STAU2: variants seen among roughly 807,000 people sequenced by gnomAD.
STAU2 encodes double-stranded RNA-binding protein Staufen homolog 2.
Under a neutral mutation model 65.9 loss-of-function variants are expected in STAU2, and 20 were observed. The observed-to-expected ratio is 0.30, with a 90% CI of 0.21 to 0.44. STAU2 has a LOEUF of 0.44. Ranked by LOEUF, STAU2 falls within the 20% of genes least tolerant of loss-of-function variation. The pLI is 1.00. For synonymous variants in STAU2, 232 were observed against 233.9 expected, an observed-to-expected ratio of 0.99 and a Z score of 0.07; for missense variants, 558 against 683.9, an observed-to-expected ratio of 0.82 and a Z score of 2.05.
intron 13 of STAU2, among the ~76,000 whole-genome samples, chr8:73,448,923 G>A (rs1255272736): frequency 6.6e-6 from 1 of 152,270 alleles, no homozygotes; most frequent in Non-Finnish European, 1.5e-5. Context: ...CCACGTGCGC[G>A]CGGACAGCGG....
rs193275303 is a variant in STAU2, at chr8:73,572,648, C to T, written c.1222+10122G>A. On this transcript the variant is annotated intron_variant, in intron 12 of 14. Coordinates refer to ENST00000524300, the MANE Select transcript of STAU2 (RefSeq NM_001164380.2). ...ATATAAAGAGAACCAAAGACGAAAA[C>T]CACGATTATCTCAATAGATGCAGAA... 6.6e-5 allele frequency among the ~76,000 whole-genome samples: 10 copies of T among 152,176 alleles called. No homozygotes were observed. In the East Asian group the frequency reaches 1.9e-3, roughly 29 times the overall value.
chr8:73,715,232 T>A (rs1205356374), intron 3 of STAU2, among the ~76,000 whole-genome samples: 4 of 151,668 alleles, frequency 2.6e-5, no homozygotes, highest in Admixed American at 2.6e-4. Context: ...TTCAAAAGAA[T>A]GTTAAAGAGC....
intron 3 of STAU2, among the ~76,000 whole-genome samples, chr8:73,719,731 A>T (rs1019721151): frequency 3.9e-5 from 6 of 152,210 alleles, no homozygotes; most frequent in Non-Finnish European, 7.3e-5. Context: ...AACTTTGTTT[A>T]GATTTTTGCA....
intron 12 of STAU2, among the ~76,000 whole-genome samples, chr8:73,576,325 T>C (rs1809548952): frequency 6.6e-6 from 1 of 152,072 alleles, no homozygotes; most frequent in South Asian, 2.1e-4. Flanking sequence ...CAAAATAATC[T>C]TAAATTGCAA....
intron 12 of STAU2, among the ~76,000 whole-genome samples, chr8:73,568,906 G>A (rs535144149): frequency 6.6e-6 from 1 of 152,292 alleles, no homozygotes; most frequent in African/African-American, 2.4e-5. Flanking sequence ...CTCCCAGTGT[G>A]AGCGATGCAG....
intron 4 of STAU2, among the ~76,000 whole-genome samples, chr8:73,690,028 G>C (rs890232637): frequency 1.3e-5 from 2 of 151,344 alleles, no homozygotes; most frequent in Non-Finnish European, 3.0e-5. Flanking sequence ...ATGCAGGGAG[G>C]ACACTAAAGA....
At chr8:73,709,957 T>C (rs904448081) in intron 3 of STAU2, among the ~76,000 whole-genome samples, 2 of 152,198 alleles carry the variant, frequency 1.3e-5, no homozygotes, top group South Asian at 4.1e-4. Context: ...CTTTTACTTA[T>C]ATAAATCTAG....
chr8:73,604,931 C>T (rs764978998), intron 9 of STAU2, among the ~76,000 whole-genome samples: 15 of 151,992 alleles, frequency 9.9e-5, no homozygotes, highest in Admixed American at 2.0e-4. Context: ...CCTAGAAAAC[C>T]GTAACCCATG....
At chr8:73,617,017 CA>C (rs1812874922) in intron 7 of STAU2, among the ~76,000 whole-genome samples, 1 of 152,118 alleles carries the variant, frequency 6.6e-6, no homozygotes, top group Non-Finnish European at 1.5e-5. Flanking sequence ...AATCTATATT[CA>C]ATAAACATAG....
intron 3 of STAU2, among the ~76,000 whole-genome samples, chr8:73,710,494 C>T (rs1352494154): frequency 3.3e-5 from 5 of 151,452 alleles, no homozygotes; most frequent in African/African-American, 1.2e-4. Context: ...TACTTAAACT[C>T]ACTAAGCCTT....
chr8:73,527,439 A>G (rs1157022663), intron 13 of STAU2: 3 of 330,032 alleles, frequency 9.1e-6, no homozygotes, highest in Non-Finnish European at 1.7e-5. Context: ...TGGGACAACT[A>G]TTTTTCATAT....
At chr8:73,699,185 G>A (rs556952642) in intron 4 of STAU2, among the ~76,000 whole-genome samples, 1 of 152,046 alleles carries the variant, frequency 6.6e-6, no homozygotes, top group South Asian at 2.1e-4. Context: ...AGTACTCAGA[G>A]GGAGGCTTAT....
chr8:73,486,924 A>G (rs1415594290), intron 13 of STAU2, among the ~76,000 whole-genome samples: 2 of 152,034 alleles, frequency 1.3e-5, no homozygotes, highest in African/African-American at 2.4e-5. Context: ...AGGCGCTGGC[A>G]TTACAGGCAC....
chr8:73,587,898 T>A (rs78372111), intron 11 of STAU2, among the ~76,000 whole-genome samples: 1 of 152,198 alleles, frequency 6.6e-6, no homozygotes, highest in Non-Finnish European at 1.5e-5. Flanking sequence ...TAATCTTGTA[T>A]AAATTCTGCC....
chr8:73,703,613 A>T, intron 4 of STAU2, among the ~76,000 whole-genome samples: 1 of 152,234 alleles, frequency 6.6e-6, no homozygotes, highest in East Asian at 1.9e-4. Context: ...CACATAATGG[A>T]CTACTCCTCA....
At chr8:73,740,525 T>C (rs918536692) in intron 1 of STAU2, among the ~76,000 whole-genome samples, 6 of 152,184 alleles carry the variant, frequency 3.9e-5, no homozygotes, top group Non-Finnish European at 8.8e-5. Context: ...AGTCACATGG[T>C]GTTAAAATAC....
chr8:73,581,672 C>T (rs1478426690), intron 12 of STAU2, among the ~76,000 whole-genome samples: 1 of 152,158 alleles, frequency 6.6e-6, no homozygotes, highest in Non-Finnish European at 1.5e-5. Context: ...CTAAGGCCAT[C>T]ATATTCATCA....
Position 73,597,511 on chromosome 8 carries a change from A to T in STAU2, c.1030-2214T>A, listed in dbSNP as rs192261722. Among the ~76,000 whole-genome samples the T allele has an allele frequency of 7.9e-4, 119 of 151,012 alleles. 1 individual carries two copies. The highest frequency in any genetic ancestry group is 7.2e-3 in the Admixed American group (109 of 15,206). ...TTACTAAAAATACAAAAATAAAAAA[A>T]AAAAAAAAATTAGCCAGGCATGATG... On this transcript the variant is annotated intron_variant, in intron 10 of 14. Transcript: ENST00000524300.
At chr8:73,676,165 A>T (rs1019279487) in intron 5 of STAU2, among the ~76,000 whole-genome samples, 1 of 152,162 alleles carries the variant, frequency 6.6e-6, no homozygotes, top group Admixed American at 6.5e-5. Flanking sequence ...TTAACTCCTC[A>T]TTAGGATATA....
Sources: allele counts gnomAD v4.1 joint callset (sites outside exome capture counted in the v4.1 genomes callset), GRCh38; gene constraint gnomAD v4.1.1; transcripts MANE v1.5; gene names NCBI Gene and HGNC (gene_info 2026-07-23, HGNC 2026-07-21).